The following UBE2E3 variants were observed in gnomAD, a reference collection of about 807,000 sequenced individuals.
UBE2E3 encodes the protein ubiquitin-conjugating enzyme E2 E3.
A neutral mutation model predicts 23.6 loss-of-function variants in UBE2E3; 5 were observed. The ratio of observed to expected loss-of-function variants is 0.21; its 90% CI spans 0.11 to 0.44. The LOEUF (loss-of-function observed/expected upper bound fraction) is 0.44, where lower values mean the gene tolerates loss of function less well. Ranked by LOEUF, UBE2E3 falls within the 20% of genes least tolerant of loss-of-function variation. UBE2E3 has a pLI of 0.99. For synonymous variants in UBE2E3, 78 were observed against 87.5 expected (o/e 0.89, Z 0.60); for missense variants, 81 against 249.8 (o/e 0.32, Z 4.55).
At chr2:181,039,846 A>G (rs1201740003) in intron 3 of UBE2E3, among the ~76,000 whole-genome samples, 2 of 152,206 alleles carry the variant, frequency 1.3e-5, no homozygotes. Context: ...ATGGCATACT[A>G]TTTGCATATA....
chr2:181,057,719 A>G lies in UBE2E3; in HGVS notation c.272A>G (p.Tyr91Cys). 1 of 1,610,250 alleles carries G rather than the reference A, an allele frequency of 6.2e-7. No homozygotes were observed. The change falls in exon 4 of 6, where the codon TAT becomes TGT. Residue 91 changes from tyrosine to cysteine, a missense_variant. Coordinates refer to ENST00000410062, the MANE Select transcript of UBE2E3 (RefSeq NM_006357.4). Reference protein sequence around the residue: ...CSAGPKGDNIYEWRSTILGPP... With the variant: ...CSAGPKGDNICEWRSTILGPP... ...GCTGGGCCTAAAGGAGATAACATTT[A>G]TGAATGGAGATCAACTATACTTGGT...
At chr2:180,987,116 G>A (rs191844019) in intron 3 of UBE2E3, among the ~76,000 whole-genome samples, 71 of 152,190 alleles carry the variant, frequency 4.7e-4, no homozygotes, top group African/African-American at 1.7e-3. Context: ...AATGGTTTTA[G>A]GTATTGGAGG....
At chr2:181,041,278 A>G (rs1050991473) in intron 3 of UBE2E3, among the ~76,000 whole-genome samples, 21 of 140,566 alleles carry the variant, frequency 1.5e-4, no homozygotes, top group Admixed American at 1.3e-3. Flanking sequence ...TTCTTCATAT[A>G]GAGTGTCAAA....
intron 5 of UBE2E3, among the ~76,000 whole-genome samples, chr2:181,061,796 A>C (rs1687161614): frequency 6.7e-6 from 1 of 149,002 alleles, no homozygotes; most frequent in Admixed American, 6.7e-5. Flanking sequence ...TTTTAAGTTG[A>C]CTTACTTCTA....
intron 3 of UBE2E3, among the ~76,000 whole-genome samples, chr2:181,029,876 C>T (rs1386235524): frequency 4.2e-5 from 6 of 143,374 alleles, no homozygotes; most frequent in South Asian, 4.5e-4. Flanking sequence ...CTCTCTCTGT[C>T]GCCAGGTGGG....
At chr2:180,981,971 C>G (rs1684309077) in intron 1 of UBE2E3, 47 bp from the exon 2 acceptor site, 1 of 1,375,498 alleles carries the variant, frequency 7.3e-7, no homozygotes, top group African/African-American at 1.5e-5. Flanking sequence ...TGGTTTATTT[C>G]CTAGATTTAA....
chr2:181,018,039 C>T (rs1485921797), intron 3 of UBE2E3, among the ~76,000 whole-genome samples: 20 of 151,728 alleles, frequency 1.3e-4, no homozygotes, highest in Non-Finnish European at 1.5e-4. Flanking sequence ...ATTTTGTTTT[C>T]GTTGTATTTT....
At chr2:181,056,300 A>C (rs1686987066) in intron 3 of UBE2E3, among the ~76,000 whole-genome samples, 2 of 151,728 alleles carry the variant, frequency 1.3e-5, no homozygotes, top group South Asian at 4.1e-4. Flanking sequence ...TTAAGTGTAG[A>C]GAAAGTTCTA....
chr2:180,987,097 G>A (rs1684497144), intron 3 of UBE2E3, among the ~76,000 whole-genome samples: 1 of 152,088 alleles, frequency 6.6e-6, no homozygotes, highest in African/African-American at 2.4e-5. Flanking sequence ...GTGATTTGAT[G>A]TTATTTTAAA....
intron 3 of UBE2E3, among the ~76,000 whole-genome samples, chr2:181,030,309 A>G (rs112371233): frequency 0.11 from 16,589 of 151,600 alleles, 973 homozygotes; most frequent in Middle Eastern, 0.12. Flanking sequence ...TTTCTTTTGT[A>G]TTTATTTATT....
intron 3 of UBE2E3, among the ~76,000 whole-genome samples, chr2:180,996,574 G>C (rs1029540192): frequency 2.6e-5 from 4 of 152,216 alleles, no homozygotes; most frequent in African/African-American, 9.6e-5. Context: ...GGAAGACATT[G>C]AACATCCTCA....
intron 4 of UBE2E3, 51 bp downstream of exon 4, chr2:181,057,876 T>C: frequency 6.3e-7 from 1 of 1,579,604 alleles, no homozygotes; most frequent in African/African-American, 1.4e-5. Context: ...TCCTCTAAAA[T>C]CGGTTATTCT....
intron 3 of UBE2E3, among the ~76,000 whole-genome samples, chr2:180,991,840 A>G (rs149769521): frequency 6.7e-4 from 102 of 152,316 alleles, no homozygotes; most frequent in African/African-American, 2.4e-3. Flanking sequence ...GAGCAGGGCA[A>G]TGTGAGATTT....
chr2:181,041,273 CAT>C (rs1220713875), intron 3 of UBE2E3, among the ~76,000 whole-genome samples: 1 of 129,986 alleles, frequency 7.7e-6, no homozygotes, highest in Non-Finnish European at 1.7e-5. Context: ...TTTTTTTCTT[CAT>C]ATAGAGTGTC....
intron 3 of UBE2E3, among the ~76,000 whole-genome samples, chr2:181,054,831 A>G (rs1686943277): frequency 6.6e-6 from 1 of 151,788 alleles, no homozygotes; most frequent in Admixed American, 6.6e-5. Flanking sequence ...AGAAGAGTGT[A>G]AGGTCTTAGC....
chr2:181,034,080 G>A (rs948657854), intron 3 of UBE2E3, among the ~76,000 whole-genome samples: 1 of 152,184 alleles, frequency 6.6e-6, no homozygotes, highest in Non-Finnish European at 1.5e-5. Context: ...CTGTTGGTGG[G>A]ACTGTAAACT....
intron 3 of UBE2E3, among the ~76,000 whole-genome samples, chr2:181,047,994 T>C (rs1480305633): frequency 6.6e-6 from 1 of 152,194 alleles, no homozygotes; most frequent in Non-Finnish European, 1.5e-5. Context: ...TCTGCCACAT[T>C]GTGCTTCCAG....
chr2:181,040,146 A>C (rs1686440716), intron 3 of UBE2E3, among the ~76,000 whole-genome samples: 1 of 152,188 alleles, frequency 6.6e-6, no homozygotes, highest in South Asian at 2.1e-4. Flanking sequence ...TATATACTTA[A>C]ATTGGGGAGG....
chr2:181,006,625 T>C (rs909664472), intron 3 of UBE2E3, among the ~76,000 whole-genome samples: 4 of 152,280 alleles, frequency 2.6e-5, no homozygotes, highest in Non-Finnish European at 4.4e-5. Context: ...TTTCTGTTTT[T>C]CTGTAATTAA....
Sources: allele counts gnomAD v4.1 joint callset (sites outside exome capture counted in the v4.1 genomes callset), GRCh38; gene constraint gnomAD v4.1.1; transcripts MANE v1.5; gene names NCBI Gene and HGNC (gene_info 2026-07-23, HGNC 2026-07-21).